Variants in NT5DC1 observed in about 807,000 individuals in gnomAD.
The protein encoded by NT5DC1 is 5'-nucleotidase domain-containing protein 1.
In NT5DC1, 42 loss-of-function variants were observed where a neutral mutation model predicts 59.4. The ratio of observed to expected loss-of-function variants is 0.71; its 90% CI spans 0.55 to 0.92. The LOEUF is 0.92. NT5DC1 is among the 40% of genes least tolerant of loss of function. The probability of loss-of-function intolerance (pLI) is 0.00; values close to 1 mark genes in which losing one functional copy is unlikely to be tolerated. For missense variants in NT5DC1, 501 were observed against 537.1 expected, an observed-to-expected ratio of 0.93 and a Z score of 0.66; for synonymous variants, 172 against 188.1, an observed-to-expected ratio of 0.91 and a Z score of 0.70.
chr6:116,230,274 T>G (rs555599921), intron 8 of NT5DC1, among the ~76,000 whole-genome samples: 5 of 152,222 alleles, frequency 3.3e-5, no homozygotes, highest in Non-Finnish European at 4.4e-5. Context: ...TTTAATCACA[T>G]GCACACAATA....
intron 6 of NT5DC1, among the ~76,000 whole-genome samples, chr6:116,189,722 G>GA (rs997287193): frequency 4.0e-5 from 6 of 149,422 alleles, no homozygotes; most frequent in Admixed American, 6.7e-5. Context: ...TTCTGAGGAT[G>GA]AAAAAAAAAT....
chr6:116,115,961 T>A (rs1281614294), intron 5 of NT5DC1, among the ~76,000 whole-genome samples, 191 bp downstream of exon 5: 2 of 152,138 alleles, frequency 1.3e-5, no homozygotes, highest in African/African-American at 2.4e-5. Context: ...TGACCTTTTT[T>A]TTTTCTCTCA....
rs1562177475 is a variant in NT5DC1, at chr6:116,238,176, C to T, written c.922-11C>T. ...CTGTGCCTCAAACAGCATCTGCTAT[C>T]TGTCTTACAGGTTGTTTATTTTGGT... On this transcript the variant is annotated splice_polypyrimidine_tract_variant and intron_variant, in intron 9 of 11. Transcript: ENST00000319550. The T allele has an allele frequency of 6.3e-7, 1 of 1,585,062 alleles. No homozygotes were observed. The highest frequency in any genetic ancestry group is 2.3e-5 in the East Asian group (1 of 43,864).
intron 6 of NT5DC1, chr6:116,119,814 G>T: frequency 2.6e-6 from 1 of 388,602 alleles, no homozygotes; most frequent in Non-Finnish European, 4.6e-6. Context: ...GGACTTCTTT[G>T]GTGATATTTT....
chr6:116,136,173 G>GTGAGATCA, intron 6 of NT5DC1, among the ~76,000 whole-genome samples: 1 of 152,172 alleles, frequency 6.6e-6, no homozygotes, highest in South Asian at 2.1e-4. Flanking sequence ...ACACGTATGA[G>GTGAGATCA]TGAGATCATG....
intron 6 of NT5DC1, among the ~76,000 whole-genome samples, chr6:116,182,563 T>C (rs1489485816): frequency 6.6e-6 from 1 of 152,098 alleles, no homozygotes; most frequent in Non-Finnish European, 1.5e-5. Flanking sequence ...TTTTTATTTT[T>C]TGATTATGGC....
At chr6:116,237,153 C>G in intron 9 of NT5DC1, 69 bp downstream of exon 9, 1 of 838,156 alleles carries the variant, frequency 1.2e-6, no homozygotes, top group Non-Finnish European at 2.1e-6. Context: ...ACTGCCAAAT[C>G]TCTCCTCTTA....
In NT5DC1 at chr6:116,115,848, G is replaced by C. The variant is rs1295544828; in HGVS notation, c.444+78G>C. On this transcript the variant is annotated intron_variant, in intron 5 of 11. Coordinates refer to ENST00000319550, the MANE Select transcript of NT5DC1 (RefSeq NM_152729.3). ...GAGGACCTAATTATATATTGCTTCT[G>C]AGTTGTGATTTTGCTTAGTTTCTTC... 3.6e-5 allele frequency: 25 copies of C among 696,174 alleles called. No homozygotes were observed. In the East Asian group the frequency reaches 4.6e-4, roughly 13 times the overall value. 43.1% of individuals were successfully genotyped at this position (696,174 alleles called of 1,614,324 possible).
chr6:116,103,703 T>A (rs1031060748), intron 1 of NT5DC1, among the ~76,000 whole-genome samples: 5 of 152,102 alleles, frequency 3.3e-5, no homozygotes, highest in African/African-American at 1.2e-4. Context: ...ATTTAACAAC[T>A]GCACAGAGTT....
intron 6 of NT5DC1, among the ~76,000 whole-genome samples, chr6:116,181,320 C>G (rs1399827151): frequency 6.6e-6 from 1 of 151,866 alleles, no homozygotes; most frequent in African/African-American, 2.4e-5. Flanking sequence ...AGAAATCTTA[C>G]AGAAATATTA....
intron 6 of NT5DC1, among the ~76,000 whole-genome samples, chr6:116,206,408 A>G (rs905505693): frequency 7.9e-5 from 12 of 152,028 alleles, no homozygotes; most frequent in African/African-American, 2.7e-4. Flanking sequence ...CAGTCTCTCA[A>G]TGACTAAAGC....
chr6:116,212,176 CT>C lies in NT5DC1; in HGVS notation c.530-8877del, dbSNP rs376709627. The stretch of plus-strand genomic sequence containing the variant: ...AACAATTATCAGAGTTAAAATCTCA[CT>C]GATTTGAAACTTTAGTATGTTCTTT... On this transcript the variant is annotated intron_variant, in intron 6 of 11. Coordinates refer to ENST00000319550, the MANE Select transcript of NT5DC1 (RefSeq NM_152729.3). Among the ~76,000 whole-genome samples the C allele has an allele frequency of 8.3e-4, 127 of 152,148 alleles. 1 individual carries two copies. Among genetic ancestry groups the C allele is most frequent in the Middle Eastern group, 3.4e-3 (1 of 294 alleles).
In NT5DC1 at chr6:116,221,502, C is replaced by T. The variant is rs535118887; in HGVS notation, c.704+274C>T. Among the ~76,000 whole-genome samples, 8 of 152,266 alleles carry T rather than the reference C, an allele frequency of 5.3e-5. No individual in the cohort carries two copies. In the East Asian group the frequency reaches 1.5e-3, roughly 29 times the overall value. ...TTCTAGAAGGTGGTAAACTGTATATCCTTCAGTTTTCCATGAATTTGGTTT... is the reference window on the plus strand; with the variant it reads ...TTCTAGAAGGTGGTAAACTGTATATTCTTCAGTTTTCCATGAATTTGGTTT... On this transcript the variant is annotated intron_variant, in intron 7 of 11. Coordinates refer to ENST00000319550, the MANE Select transcript of NT5DC1 (RefSeq NM_152729.3).
At chr6:116,138,637 TATA>T (rs931461059) in intron 6 of NT5DC1, among the ~76,000 whole-genome samples, 4 of 152,200 alleles carry the variant, frequency 2.6e-5, no homozygotes, top group African/African-American at 9.7e-5. Flanking sequence ...CATGGCTTGT[TATA>T]ATGATTAAAA....
chr6:116,178,052 A>AGAGTGT (rs1227937871), intron 6 of NT5DC1, among the ~76,000 whole-genome samples: 1 of 136,318 alleles, frequency 7.3e-6, no homozygotes, highest in East Asian at 2.2e-4. Context: ...CAAAGAGGAA[A>AGAGTGT]GTGTGTGTGT....
At chr6:116,124,825 T>G (rs1779244190) in intron 6 of NT5DC1, among the ~76,000 whole-genome samples, 1 of 152,202 alleles carries the variant, frequency 6.6e-6, no homozygotes, top group Non-Finnish European at 1.5e-5. Context: ...TGCTTGGCAA[T>G]TCTCATAATT....
intron 6 of NT5DC1, among the ~76,000 whole-genome samples, chr6:116,176,886 C>A (rs540941328): frequency 2.4e-4 from 36 of 152,294 alleles, no homozygotes; most frequent in African/African-American, 8.7e-4. Context: ...TCTCCAAGTG[C>A]AGCATCTGGA....
chr6:116,237,523 C>T (rs1782140481), intron 9 of NT5DC1: 2 of 457,184 alleles, frequency 4.4e-6, no homozygotes, highest in Non-Finnish European at 8.8e-6. Flanking sequence ...GCTCCATTGG[C>T]TGTCACCATG....
At position 116,246,461 on chromosome 6, in the gene NT5DC1, CTT is replaced by C. The variant is rs1272125026; in HGVS notation, c.*2439_*2440del. On this transcript the variant is annotated 3_prime_UTR_variant, in exon 12 of 12. Coordinates refer to ENST00000319550, the MANE Select transcript of NT5DC1 (RefSeq NM_152729.3). ...CACCAATATTCATATCCAAAAATAACTTTAAATACACACACACACACACACAC... is the reference window on the plus strand; with the variant it reads ...CACCAATATTCATATCCAAAAATAACTAAATACACACACACACACACACAC... 4.3e-5 allele frequency: 4 copies of C among 92,248 alleles called. No individual in the cohort carries two copies. The highest frequency in any genetic ancestry group is 2.0e-4 in the African/African-American group (4 of 20,010). 5.7% of individuals were successfully genotyped at this position (92,248 alleles called of 1,614,324 possible). A position where few individuals can be genotyped will look rare whatever the true frequency, so the allele number is the denominator to read the frequency against.
Sources: allele counts gnomAD v4.1 joint callset (sites outside exome capture counted in the v4.1 genomes callset), GRCh38; gene constraint gnomAD v4.1.1; transcripts MANE v1.5; gene names NCBI Gene and HGNC (gene_info 2026-07-23, HGNC 2026-07-21).